Variants in ZFYVE28 observed in about 807,000 individuals in gnomAD.
The protein encoded by ZFYVE28 is zinc finger FYVE-type containing 28, also known as lateral signaling target protein 2 homolog.
ZFYVE28 carries 40 observed loss-of-function variants against 82.1 expected under a neutral mutation model. That is an observed-to-expected ratio of 0.49 (90% CI 0.38 to 0.63). ZFYVE28 has a LOEUF of 0.63. Ranked by LOEUF, ZFYVE28 falls within the 30% of genes least tolerant of loss-of-function variation. The pLI, the probability that ZFYVE28 is intolerant of heterozygous loss-of-function variation, is 0.00. For synonymous variants in ZFYVE28, 612 were observed against 546.1 expected, an observed-to-expected ratio of 1.12 and a Z score of -1.68; for missense variants, 1,321 against 1,242.1, an observed-to-expected ratio of 1.06 and a Z score of -0.96.
intron 8 of ZFYVE28, among the ~76,000 whole-genome samples, chr4:2,290,201 C>T (rs887452143): frequency 1.3e-5 from 2 of 152,186 alleles, no homozygotes; most frequent in African/African-American, 4.8e-5. Flanking sequence ...ACCCGGAGCC[C>T]AGAGAGAGCA....
At chr4:2,276,080 G>A (rs1232737473) in intron 8 of ZFYVE28, among the ~76,000 whole-genome samples, 1 of 152,376 alleles carries the variant, frequency 6.6e-6, no homozygotes. Flanking sequence ...GCCTCGTGAC[G>A]TAAACCCTGC....
At chr4:2,279,489 T>A (rs1229436193) in intron 8 of ZFYVE28, among the ~76,000 whole-genome samples, 1 of 151,632 alleles carries the variant, frequency 6.6e-6, no homozygotes, top group African/African-American at 2.4e-5. Flanking sequence ...TCACAAAAGA[T>A]CACAAACTGG....
At chr4:2,354,749 G>A (rs1441106320) in intron 1 of ZFYVE28, among the ~76,000 whole-genome samples, 1 of 152,106 alleles carries the variant, frequency 6.6e-6, no homozygotes, top group Non-Finnish European at 1.5e-5. Context: ...ATGAGCCACT[G>A]TGCCCGGCCA....
chr4:2,283,182 A>G (rs1712187815), intron 8 of ZFYVE28, among the ~76,000 whole-genome samples: 1 of 150,192 alleles, frequency 6.7e-6, no homozygotes, highest in African/African-American at 2.5e-5. Flanking sequence ...CCATCCATTC[A>G]TCTACCCATC....
At chr4:2,342,141 G>A (rs956290512) in intron 2 of ZFYVE28, among the ~76,000 whole-genome samples, 1 of 152,234 alleles carries the variant, frequency 6.6e-6, no homozygotes, top group African/African-American at 2.4e-5. Flanking sequence ...GGTCAGAAGA[G>A]TGCAGTTACG....
chr4:2,357,554 C>T (rs1045852123), intron 1 of ZFYVE28, among the ~76,000 whole-genome samples: 7 of 152,208 alleles, frequency 4.6e-5, no homozygotes, highest in African/African-American at 1.7e-4. Flanking sequence ...AACCTGCCCG[C>T]TCCCCTTCAG....
intron 8 of ZFYVE28, among the ~76,000 whole-genome samples, chr4:2,297,413 C>T (rs996723675): frequency 3.3e-5 from 5 of 152,168 alleles, no homozygotes; most frequent in Non-Finnish European, 5.9e-5. Context: ...GTGGAATGAC[C>T]CCAGGCCACA....
rs140239312 is a variant in ZFYVE28, at chr4:2,382,794, G to A, written c.40-28721C>T. On this transcript the variant is annotated intron_variant, in intron 1 of 12. Transcript: ENST00000290974. ...TGCTGATAAAGACACGCTGGAGACT[G>A]GGAAGAAAAAGAGGTTTAATTGGAC... 3.3e-3 allele frequency among the ~76,000 whole-genome samples: 503 copies of A among 152,240 alleles called. 3 individuals carry two copies. Among genetic ancestry groups the A allele is most frequent in the African/African-American group, 0.011 (468 of 41,538 alleles).
chr4:2,303,796 C>T (rs13146812), intron 8 of ZFYVE28, among the ~76,000 whole-genome samples: 27,125 of 152,284 alleles, frequency 0.18, 2,823 homozygotes, highest in East Asian at 0.38. Flanking sequence ...TCCGCGCCCA[C>T]GGCCACGGGT....
intron 8 of ZFYVE28, among the ~76,000 whole-genome samples, chr4:2,281,615 C>G (rs1160102788): frequency 6.6e-6 from 1 of 152,216 alleles, no homozygotes; most frequent in Non-Finnish European, 1.5e-5. Flanking sequence ...GAGGGCAAAG[C>G]CTTCATGACC....
At chr4:2,270,996 G>T in intron 12 of ZFYVE28, 140 bp from the exon 13 acceptor site, 1 of 1,308,214 alleles carries the variant, frequency 7.6e-7, no homozygotes, top group Non-Finnish European at 1.0e-6. Context: ...GCCAGGGGTT[G>T]TGACCTTCAG....
intron 2 of ZFYVE28, among the ~76,000 whole-genome samples, chr4:2,348,745 G>A (rs1179043): frequency 9.2e-5 from 14 of 152,110 alleles, no homozygotes; most frequent in Non-Finnish European, 1.5e-4. Flanking sequence ...CCATGGATAT[G>A]GTCTAACATC....
chr4:2,394,164 G>A lies in ZFYVE28; in HGVS notation c.39+24121C>T, dbSNP rs1363504142. Among the ~76,000 whole-genome samples, 1 of 152,180 alleles carries A rather than the reference G, an allele frequency of 6.6e-6. No individual in the cohort carries two copies. Among genetic ancestry groups the A allele is most frequent in the Non-Finnish European group, 1.5e-5 (1 of 68,024 alleles). On this transcript the variant is annotated intron_variant, in intron 1 of 12. Coordinates refer to ENST00000290974, the MANE Select transcript of ZFYVE28 (RefSeq NM_020972.3). The surrounding 1 kb of genome is among the most constrained non-coding windows in gnomAD (Gnocchi z 4.0). ...TTCTCCACTACTGAGGACTCCTGTG[G>A]TTCCACTGGGGCCACCGACATAATC...
chr4:2,378,750 C>T (rs944398031), intron 1 of ZFYVE28, among the ~76,000 whole-genome samples: 1 of 152,218 alleles, frequency 6.6e-6, no homozygotes, highest in Admixed American at 6.5e-5. Flanking sequence ...CACCCAACCA[C>T]GAATTTTGGA....
intron 8 of ZFYVE28, among the ~76,000 whole-genome samples, chr4:2,284,210 A>C (rs927604441): frequency 1.3e-5 from 2 of 152,188 alleles, no homozygotes; most frequent in African/African-American, 2.4e-5. Flanking sequence ...GCCAGCCTGC[A>C]AATGAGTGTT....
At chr4:2,276,796 G>C (rs1024626672) in intron 8 of ZFYVE28, among the ~76,000 whole-genome samples, 3 of 151,938 alleles carry the variant, frequency 2.0e-5, no homozygotes, top group Non-Finnish European at 4.4e-5. Flanking sequence ...GTGGGCGCCA[G>C]GGTGGGCAGA....
At chr4:2,323,450 T>C (rs1487530944) in intron 6 of ZFYVE28, among the ~76,000 whole-genome samples, 2 of 152,218 alleles carry the variant, frequency 1.3e-5, no homozygotes, top group African/African-American at 2.4e-5. Flanking sequence ...GGACATTAAA[T>C]CTTCATCAGA....
At chr4:2,310,734 G>A (rs943427660) in intron 7 of ZFYVE28, among the ~76,000 whole-genome samples, 3 of 152,178 alleles carry the variant, frequency 2.0e-5, no homozygotes, top group African/African-American at 4.8e-5. Context: ...AGCCTGGGAG[G>A]CAGAGATTGC....
In ZFYVE28 at chr4:2,270,604, CT is replaced by C. The variant is rs1247105462; in HGVS notation, c.*120del. 2.1e-6 allele frequency: 3 copies of C among 1,423,226 alleles called. No individual in the cohort carries two copies. The African/African-American group carries it at 4.2e-5, about 20-fold the overall frequency. The allele number at this position is 1,423,226 out of a possible 1,614,324, so 88.2% of individuals were successfully genotyped here. Reference sequence around the variant, plus strand: ...CAGAGGCTCTGGATGCTCTGGAGGTCTGGGTGCCCCTGCAGCAGCGGCAGCG... The same window carrying C: ...CAGAGGCTCTGGATGCTCTGGAGGTCGGGTGCCCCTGCAGCAGCGGCAGCG... On this transcript the variant is annotated 3_prime_UTR_variant, in exon 13 of 13. Coordinates refer to ENST00000290974, the MANE Select transcript of ZFYVE28 (RefSeq NM_020972.3).
Sources: gnomAD v4.1 joint callset for allele counts (sites outside exome capture counted in the v4.1 genomes callset) on GRCh38, gnomAD v4.1.1 for gene constraint, Gnocchi (gnomAD v3.1) non-coding constraint, MANE v1.5 for transcripts, NCBI Gene and HGNC (gene_info 2026-07-23, HGNC 2026-07-21) for gene names.